The following ARHGAP15 variants were observed in gnomAD, a reference collection of about 807,000 sequenced individuals.
ARHGAP15 encodes rho GTPase-activating protein 15.
Under a neutral mutation model 63.7 loss-of-function variants are expected in ARHGAP15, and 51 were observed. The ratio of observed to expected loss-of-function variants is 0.80; its 90% confidence interval spans 0.64 to 1.01. The LOEUF (loss-of-function observed/expected upper bound fraction) is 1.01, where lower values mean the gene tolerates loss of function less well. Among genes scored for constraint, ARHGAP15 ranks in the 50% least tolerant of loss-of-function variants. ARHGAP15 has a pLI of 0.00. For missense variants in ARHGAP15, 560 were observed against 564.6 expected (o/e 0.99, Z 0.08); for synonymous variants, 191 against 193.8 (o/e 0.99, Z 0.12).
At position 143,764,535 on chromosome 2, in the gene ARHGAP15, C is replaced by T. The variant is rs539904783; in HGVS notation, c.1245-3454C>T. 5.3e-5 allele frequency among the ~76,000 whole-genome samples: 8 copies of T among 152,188 alleles called. No individual in the cohort carries two copies. In the South Asian group the frequency reaches 1.7e-3, roughly 32 times the overall value. On this transcript the variant is annotated intron_variant, in intron 13 of 13. Coordinates refer to ENST00000295095, the MANE Select transcript of ARHGAP15 (RefSeq NM_018460.4). ...AATGCTGCAGAAATAGTAAATAGTC[C>T]AGCCCCGTTTCAGTTTTCCTGCTCT...
intron 6 of ARHGAP15, among the ~76,000 whole-genome samples, chr2:143,408,011 A>ATATG (rs1487822400): frequency 1.3e-5 from 1 of 77,072 alleles, no homozygotes; most frequent in African/African-American, 5.7e-5. Flanking sequence ...ATATATATAT[A>ATATG]TATATATATA....
chr2:143,578,811 A>G (rs1696777593), intron 11 of ARHGAP15, among the ~76,000 whole-genome samples: 1 of 152,070 alleles, frequency 6.6e-6, no homozygotes, highest in African/African-American at 2.4e-5. Context: ...ACAAATCAGA[A>G]CTCTTCTGTT....
intron 10 of ARHGAP15, among the ~76,000 whole-genome samples, chr2:143,534,194 A>T (rs898330444): frequency 1.3e-5 from 2 of 152,126 alleles, no homozygotes; most frequent in African/African-American, 2.4e-5. Context: ...TGATGGCTTT[A>T]TAAGGGGCTC....
chr2:143,482,142 C>T (rs1692106604), intron 8 of ARHGAP15, among the ~76,000 whole-genome samples: 1 of 152,074 alleles, frequency 6.6e-6, no homozygotes, highest in Non-Finnish European at 1.5e-5. Context: ...GGTAAAAATA[C>T]CTAGGATTAA....
intron 6 of ARHGAP15, among the ~76,000 whole-genome samples, chr2:143,378,682 G>A (rs959896825): frequency 6.6e-6 from 1 of 152,014 alleles, no homozygotes; most frequent in African/African-American, 2.4e-5. Flanking sequence ...AACATTGATT[G>A]ATGTGTTTTA....
chr2:143,605,021 G>A (rs1697931755), intron 11 of ARHGAP15, among the ~76,000 whole-genome samples: 1 of 152,084 alleles, frequency 6.6e-6, no homozygotes, highest in African/African-American at 2.4e-5. Flanking sequence ...TGATTCTCAT[G>A]CCTCAGCCTC....
chr2:143,381,366 ATTGTC>A (rs1687045770), intron 6 of ARHGAP15, among the ~76,000 whole-genome samples: 1 of 152,066 alleles, frequency 6.6e-6, no homozygotes. Flanking sequence ...TCAATATTAA[ATTGTC>A]TTAATCCTGA....
intron 6 of ARHGAP15, among the ~76,000 whole-genome samples, chr2:143,345,424 A>G (rs1159867882): frequency 6.6e-6 from 1 of 152,120 alleles, no homozygotes; most frequent in East Asian, 1.9e-4. Flanking sequence ...AATCATTTTT[A>G]TGTGCAACTT....
chr2:143,130,150 G>A (rs1350930936), intron 1 of ARHGAP15, among the ~76,000 whole-genome samples: 1 of 152,016 alleles, frequency 6.6e-6, no homozygotes, highest in Non-Finnish European at 1.5e-5. Context: ...GAGAGGAGAG[G>A]CAAATTAGAG....
chr2:143,480,502 G>A (rs900785402), intron 8 of ARHGAP15, among the ~76,000 whole-genome samples: 4 of 152,110 alleles, frequency 2.6e-5, no homozygotes, highest in African/African-American at 9.7e-5. Flanking sequence ...TGTCTAAGTG[G>A]GAATTAAGTG....
intron 6 of ARHGAP15, among the ~76,000 whole-genome samples, chr2:143,331,032 A>G (rs1011133956): frequency 2.0e-5 from 3 of 152,138 alleles, no homozygotes; most frequent in Admixed American, 6.6e-5. Context: ...ATCATAAATC[A>G]TTTATTTCAG....
At chr2:143,688,387 A>G (rs1387604574) in intron 12 of ARHGAP15, among the ~76,000 whole-genome samples, 1 of 152,198 alleles carries the variant, frequency 6.6e-6, no homozygotes, top group Non-Finnish European at 1.5e-5. Context: ...GAACAGCACC[A>G]GTCATTGTTT....
intron 5 of ARHGAP15, among the ~76,000 whole-genome samples, chr2:143,245,450 AG>A (rs1307451142): frequency 6.6e-6 from 1 of 152,188 alleles, no homozygotes; most frequent in Non-Finnish European, 1.5e-5. Flanking sequence ...ATTTTAGAAA[AG>A]TCAAAGAAGG....
chr2:143,249,843 TC>T, intron 5 of ARHGAP15, among the ~76,000 whole-genome samples: 1 of 152,252 alleles, frequency 6.6e-6, no homozygotes, highest in Admixed American at 6.5e-5. Flanking sequence ...ATCCTTTTGG[TC>T]TAAGTTAAAT....
chr2:143,484,579 C>T (rs368582823), intron 8 of ARHGAP15, among the ~76,000 whole-genome samples: 1 of 151,846 alleles, frequency 6.6e-6, no homozygotes, highest in Non-Finnish European at 1.5e-5. Context: ...ATTACACAGG[C>T]CATATACATG....
intron 6 of ARHGAP15, among the ~76,000 whole-genome samples, chr2:143,254,948 G>A (rs1364727720): frequency 2.6e-5 from 4 of 151,956 alleles, no homozygotes; most frequent in South Asian, 2.1e-4. Flanking sequence ...AAGTAAAGAT[G>A]AAGAAGATAA....
intron 6 of ARHGAP15, among the ~76,000 whole-genome samples, chr2:143,391,555 A>G (rs1574380864): frequency 6.6e-6 from 1 of 152,308 alleles, no homozygotes; most frequent in East Asian, 1.9e-4. Context: ...ACTTAACTCA[A>G]TTGATTCCTA....
chr2:143,345,065 G>T (rs1685211722), intron 6 of ARHGAP15, among the ~76,000 whole-genome samples: 1 of 151,916 alleles, frequency 6.6e-6, no homozygotes, highest in Non-Finnish European at 1.5e-5. Context: ...CAGAGGTTAG[G>T]GTTGATCATT....
At chr2:143,257,120 T>A (rs1020489401) in intron 6 of ARHGAP15, among the ~76,000 whole-genome samples, 1 of 152,146 alleles carries the variant, frequency 6.6e-6, no homozygotes, top group African/African-American at 2.4e-5. Flanking sequence ...ACGAACTTTA[T>A]GTTGCCTGGG....
Sources: allele counts gnomAD v4.1 joint callset (sites outside exome capture counted in the v4.1 genomes callset), GRCh38; gene constraint gnomAD v4.1.1; transcripts MANE v1.5; gene names NCBI Gene and HGNC (gene_info 2026-07-23, HGNC 2026-07-21).